Variants in MAP3K15 observed in about 807,000 individuals in gnomAD.
MAP3K15 encodes the protein MAPK/ERK kinase kinase 15.
A neutral mutation model predicts 99.5 loss-of-function variants in MAP3K15; 124 were observed. The ratio of observed to expected loss-of-function variants is 1.25; its 90% CI spans 1.08 to 1.45. The LOEUF (loss-of-function observed/expected upper bound fraction) is 1.45, where lower values mean the gene tolerates loss of function less well. MAP3K15 is among the 40% of genes most tolerant of loss of function. MAP3K15 has a pLI of 0.00. For missense variants in MAP3K15, 1,242 were observed against 1,079.7 expected (o/e 1.15, Z -2.11); for synonymous variants, 494 against 439.6 (o/e 1.12, Z -1.55).
intron 10 of MAP3K15, among the ~76,000 whole-genome samples, chrX:19,414,858 G>A (rs1052361906): frequency 9.0e-6 from 1 of 111,465 alleles, no homozygotes; most frequent in Non-Finnish European, 1.9e-5. Context: ...AAATGTCTCC[G>A]GACATTACCA....
At chrX:19,461,320 C>G (rs1354667843) in intron 4 of MAP3K15, among the ~76,000 whole-genome samples, 1 of 111,845 alleles carries the variant, frequency 8.9e-6, no homozygotes, top group Non-Finnish European at 1.9e-5. Context: ...GTCTCAAACT[C>G]CTGGACTCAA....
chrX:19,408,489 C>CA (rs2063663276), intron 12 of MAP3K15: 1 of 167,071 alleles, frequency 6.0e-6, no homozygotes. Flanking sequence ...CCTGACTCTA[C>CA]AAAAAATACA....
intron 3 of MAP3K15, among the ~76,000 whole-genome samples, chrX:19,478,940 G>A (rs1260802256): frequency 1.8e-5 from 2 of 110,570 alleles, no homozygotes; most frequent in Non-Finnish European, 3.8e-5. Context: ...TTCTCCTGGG[G>A]GACAGAGAAG....
intron 9 of MAP3K15, among the ~76,000 whole-genome samples, chrX:19,421,082 A>G (rs1417955556): frequency 9.0e-6 from 1 of 111,022 alleles, no homozygotes; most frequent in Non-Finnish European, 1.9e-5. Context: ...TATCATACTG[A>G]ATGGGCAAAA....
At chrX:19,441,830 C>G (rs1256515714) in intron 6 of MAP3K15, among the ~76,000 whole-genome samples, 1 of 111,587 alleles carries the variant, frequency 9.0e-6, no homozygotes, top group Non-Finnish European at 1.9e-5. Context: ...CAAAACCTCT[C>G]TAACAAGTCA....
chrX:19,420,663 A>G (rs1194152643), intron 9 of MAP3K15, among the ~76,000 whole-genome samples: 2 of 111,660 alleles, frequency 1.8e-5, no homozygotes, highest in Non-Finnish European at 3.8e-5. Context: ...AAAAGAGGGA[A>G]TCCTCCCTAA....
At chrX:19,452,062 AGAG>A (rs1410392862) in intron 6 of MAP3K15, among the ~76,000 whole-genome samples, 3 of 34 alleles carry the variant, frequency 0.088, no homozygotes, top group Non-Finnish European at 0.5. Context: ...CTGTCAGAGA[AGAG>A]AAGAGAAGAG....
intron 6 of MAP3K15, among the ~76,000 whole-genome samples, chrX:19,454,736 C>T (rs138997615): frequency 0.012 from 1,311 of 112,017 alleles, 44 homozygotes; most frequent in Admixed American, 0.089. Flanking sequence ...GCCATAAACT[C>T]GCTCAAAACT....
rs778744090 is a variant in MAP3K15 at position 19,374,569 on chromosome X, T to TG, written c.2680dup (p.His894ProfsTer8). The TG allele has an allele frequency of 3.3e-6, 4 of 1,209,519 alleles. No homozygotes were observed. Among genetic ancestry groups the TG allele is most frequent in the African/African-American group, 3.5e-5 (2 of 57,001 alleles). On this transcript the variant is annotated frameshift_variant, in exon 20 of 29. Transcript: ENST00000338883. LOFTEE classifies it high-confidence loss of function. ...TAGCTCAGCAGTGGTGGCACGTTTG[T>TG]GGGGGTCAGGCTCGAAACAGGATAA...
intron 3 of MAP3K15, among the ~76,000 whole-genome samples, chrX:19,483,327 ACAT>A (rs1238022298): frequency 2.7e-5 from 3 of 110,338 alleles, no homozygotes; most frequent in African/African-American, 9.9e-5. Context: ...TGAATTCAAT[ACAT>A]CATCAAGCAC....
chrX:19,512,126 C>G (rs1487399821), intron 1 of MAP3K15, among the ~76,000 whole-genome samples: 6 of 110,879 alleles, frequency 5.4e-5, no homozygotes, highest in Non-Finnish European at 1.1e-4. Context: ...AATGAGAACC[C>G]ATGGACACAG....
At chrX:19,410,215 G>C (rs1304479270) in intron 11 of MAP3K15, among the ~76,000 whole-genome samples, 1 of 112,349 alleles carries the variant, frequency 8.9e-6, no homozygotes, top group Non-Finnish European at 1.9e-5. Flanking sequence ...CTAAGTTTCA[G>C]ATAGAAATAA....
rs575336777 is a variant in MAP3K15, at chrX:19,372,842, G to A, written c.2934-15C>T. 52 of 1,197,298 alleles carry A rather than the reference G, an allele frequency of 4.3e-5. No homozygotes were observed. In the Admixed American group the frequency reaches 5.3e-4, roughly 12 times the overall value. On this transcript the variant is annotated splice_polypyrimidine_tract_variant and intron_variant, in intron 21 of 28. Coordinates refer to ENST00000338883, the MANE Select transcript of MAP3K15 (RefSeq NM_001001671.4). Reference sequence around the variant, plus strand: ...CGTCTGGAACACTGTGGACAAACACGTGTGACAATCTCTGTGCGTGCCGGG... The same window carrying A: ...CGTCTGGAACACTGTGGACAAACACATGTGACAATCTCTGTGCGTGCCGGG...
chrX:19,467,756 A>G (rs62589407), intron 3 of MAP3K15, among the ~76,000 whole-genome samples: 11 of 12,406 alleles, frequency 8.9e-4, no homozygotes, highest in South Asian at 5.9e-3. Context: ...TTAAACCCGG[A>G]AGGCAGAGGT....
chrX:19,407,112 A>G, intron 13 of MAP3K15, 76 bp downstream of exon 13: 1 of 569,526 alleles, frequency 1.8e-6, no homozygotes. Context: ...GCAAGTAAAT[A>G]TCTTTCAGAA....
chrX:19,373,842 G>C (rs1029938512), intron 20 of MAP3K15, 147 bp from the exon 21 acceptor site: 8 of 595,427 alleles, frequency 1.3e-5, no homozygotes, highest in Admixed American at 7.5e-5. Flanking sequence ...ACGGGCCACA[G>C]GTGCTGTATT....
intron 9 of MAP3K15, among the ~76,000 whole-genome samples, chrX:19,416,490 G>A (rs2063736341): frequency 8.9e-6 from 1 of 111,901 alleles, no homozygotes; most frequent in South Asian, 3.7e-4. Context: ...CATAAACAAT[G>A]AATAACACCA....
intron 7 of MAP3K15, among the ~76,000 whole-genome samples, chrX:19,429,325 A>G (rs925840199): frequency 1.6e-4 from 18 of 110,782 alleles, no homozygotes; most frequent in Non-Finnish European, 1.9e-5. Flanking sequence ...AAGAAAGTTA[A>G]AAAGAAAATG....
At position 19,461,583 on chromosome X, in the gene MAP3K15, ATAAGT is replaced by A. The variant is rs373794582; in HGVS notation, c.720-1435_720-1431del. Reference sequence around the variant, plus strand: ...TGAAAAATGACCTAACTTGGTATACATAAGTTGAGTTACAACAACCATAGATTGAT... The same window carrying A: ...TGAAAAATGACCTAACTTGGTATACATGAGTTACAACAACCATAGATTGAT... On this transcript the variant is annotated intron_variant, in intron 4 of 28. Coordinates refer to ENST00000338883, the MANE Select transcript of MAP3K15 (RefSeq NM_001001671.4). 4.5e-3 allele frequency among the ~76,000 whole-genome samples: 507 copies of A among 112,503 alleles called. 8 individuals carry two copies. The highest frequency in any genetic ancestry group is 0.015 in the African/African-American group (481 of 31,038).
Sources: allele counts gnomAD v4.1 joint callset (sites outside exome capture counted in the v4.1 genomes callset), GRCh38; gene constraint gnomAD v4.1.1; transcripts MANE v1.5; gene names NCBI Gene and HGNC (gene_info 2026-07-23, HGNC 2026-07-21).